UBE2E2: variants seen among roughly 807,000 people sequenced by gnomAD.
UBE2E2 encodes ubiquitin conjugating enzyme E2 E2, also known as ubiquitin-conjugating enzyme E2 E2.
In UBE2E2, 6 loss-of-function variants were observed where a neutral mutation model predicts 24.7. The observed-to-expected ratio is 0.24, with a 90% CI of 0.13 to 0.48. The LOEUF is 0.48. Among genes scored for constraint, UBE2E2 ranks in the 20% least tolerant of loss-of-function variants. The pLI is 0.99. For missense variants in UBE2E2, 169 were observed against 245.0 expected (o/e 0.69, Z 2.07); for synonymous variants, 104 against 83.6 (o/e 1.24, Z -1.33).
rs975568732 is a variant in UBE2E2 at position 23,546,598 on chromosome 3, C to A, written c.508+13897C>A. 2.0e-5 allele frequency among the ~76,000 whole-genome samples: 3 copies of A among 151,098 alleles called. No individual in the cohort carries two copies. In the South Asian group the frequency reaches 6.3e-4, roughly 32 times the overall value. ...AAACAATTCTCTTGCCTCAGCCTCC[C>A]GAGTAGCTGAAATTACAGGCATGCA... is the stretch of plus-strand genomic sequence containing the variant. On this transcript the variant is annotated intron_variant, in intron 5 of 5. Transcript: ENST00000396703.
chr3:23,419,128 A>T (rs1045924029), intron 3 of UBE2E2, among the ~76,000 whole-genome samples: 13 of 151,430 alleles, frequency 8.6e-5, no homozygotes, highest in Non-Finnish European at 1.8e-4. Context: ...TAATTTTTTT[A>T]TTTTTATGTT....
intron 3 of UBE2E2, among the ~76,000 whole-genome samples, chr3:23,302,482 T>C (rs1430567822): frequency 1.3e-5 from 2 of 152,214 alleles, no homozygotes; most frequent in Non-Finnish European, 2.9e-5. Context: ...TTCCATGCTT[T>C]TCAGGAATCT....
intron 5 of UBE2E2, among the ~76,000 whole-genome samples, chr3:23,543,918 AG>A (rs1261247069): frequency 6.6e-6 from 1 of 152,150 alleles, no homozygotes; most frequent in African/African-American, 2.4e-5. Context: ...AGCCAAATAC[AG>A]CCAACTGATC....
intron 4 of UBE2E2, among the ~76,000 whole-genome samples, chr3:23,522,737 T>A (rs920510508): frequency 6.6e-6 from 1 of 152,228 alleles, no homozygotes; most frequent in Non-Finnish European, 1.5e-5. Context: ...TGAATCTAAA[T>A]CAGCTCTTCT....
At chr3:23,504,605 T>G (rs1427770881) in intron 4 of UBE2E2, among the ~76,000 whole-genome samples, 1 of 152,198 alleles carries the variant, frequency 6.6e-6, no homozygotes, top group Non-Finnish European at 1.5e-5. Context: ...TTTTAGGATT[T>G]TAAGTCTTTT....
intron 3 of UBE2E2, among the ~76,000 whole-genome samples, chr3:23,362,784 A>G (rs1437144416): frequency 6.6e-6 from 1 of 152,166 alleles, no homozygotes; most frequent in Non-Finnish European, 1.5e-5. Context: ...ACCCTGTCAC[A>G]GGTAGCCAGG....
At chr3:23,567,672 A>G (rs1201158690) in intron 5 of UBE2E2, among the ~76,000 whole-genome samples, 1 of 152,206 alleles carries the variant, frequency 6.6e-6, no homozygotes, top group Non-Finnish European at 1.5e-5. Flanking sequence ...AATATCAGTT[A>G]GGCCCAAGAA....
intron 3 of UBE2E2, among the ~76,000 whole-genome samples, chr3:23,467,714 C>T (rs59180179): frequency 0.14 from 20,836 of 152,028 alleles, 1,496 homozygotes; most frequent in Middle Eastern, 0.2. Context: ...TATATTAGTA[C>T]GTTCTCACAC....
intron 3 of UBE2E2, among the ~76,000 whole-genome samples, chr3:23,244,575 C>T (rs1009321134): frequency 2.0e-5 from 3 of 152,082 alleles, no homozygotes; most frequent in South Asian, 4.1e-4. Flanking sequence ...AAGAGGAAAA[C>T]GTACAGAGAA....
intron 2 of UBE2E2, among the ~76,000 whole-genome samples, chr3:23,212,484 C>T (rs900332133): frequency 2.6e-5 from 4 of 152,168 alleles, no homozygotes; most frequent in Middle Eastern, 3.4e-3. Flanking sequence ...GCTGCTTTTA[C>T]GGGTTGATAC....
chr3:23,247,776 C>A (rs1697453104), intron 3 of UBE2E2, among the ~76,000 whole-genome samples: 1 of 152,172 alleles, frequency 6.6e-6, no homozygotes, highest in Non-Finnish European at 1.5e-5. Context: ...CACTCTACCC[C>A]AGAAATTGCT....
intron 3 of UBE2E2, among the ~76,000 whole-genome samples, chr3:23,330,368 A>T (rs1695027285): frequency 2.0e-5 from 3 of 152,234 alleles, no homozygotes; most frequent in African/African-American, 7.2e-5. Context: ...GTATGGAAGT[A>T]AACATTGAAA....
At chr3:23,243,655 C>T (rs980981976) in intron 3 of UBE2E2, among the ~76,000 whole-genome samples, 3 of 152,068 alleles carry the variant, frequency 2.0e-5, no homozygotes, top group Admixed American at 2.0e-4. Context: ...AAGTTTACAG[C>T]CTTTTTCTCA....
chr3:23,350,397 ATGAGT>A (rs1695706898), intron 3 of UBE2E2, among the ~76,000 whole-genome samples: 1 of 152,246 alleles, frequency 6.6e-6, no homozygotes. Flanking sequence ...AATGACTTTG[ATGAGT>A]TGAGAGAAGA....
intron 3 of UBE2E2, among the ~76,000 whole-genome samples, chr3:23,301,056 T>C (rs1683803284): frequency 6.6e-6 from 1 of 152,236 alleles, no homozygotes; most frequent in South Asian, 2.1e-4. Context: ...ACTGATACCC[T>C]TTCTTCCAAC....
intron 5 of UBE2E2, among the ~76,000 whole-genome samples, chr3:23,554,663 G>T (rs1559419879): frequency 6.6e-6 from 1 of 152,070 alleles, no homozygotes; most frequent in Non-Finnish European, 1.5e-5. Flanking sequence ...CATTAGCCTT[G>T]GCAATGATTT....
intron 3 of UBE2E2, among the ~76,000 whole-genome samples, chr3:23,302,938 A>T (rs191849497): frequency 2.8e-4 from 42 of 152,308 alleles, no homozygotes; most frequent in African/African-American, 8.7e-4. Context: ...AAACACATAA[A>T]CCAGGGGTCC....
chr3:23,376,072 A>G (rs1696514851), intron 3 of UBE2E2, among the ~76,000 whole-genome samples: 1 of 152,228 alleles, frequency 6.6e-6, no homozygotes, highest in Non-Finnish European at 1.5e-5. Flanking sequence ...AGTATTTTAA[A>G]GGAGTTGTTT....
At chr3:23,397,682 T>C (rs1697112296) in intron 3 of UBE2E2, among the ~76,000 whole-genome samples, 1 of 152,224 alleles carries the variant, frequency 6.6e-6, no homozygotes, top group African/African-American at 2.4e-5. Flanking sequence ...GTTTTTAAGA[T>C]TTATCCATGT....
Sources: gnomAD v4.1 joint callset for allele counts (sites outside exome capture counted in the v4.1 genomes callset) on GRCh38, gnomAD v4.1.1 for gene constraint, MANE v1.5 for transcripts, NCBI Gene and HGNC (gene_info 2026-07-23, HGNC 2026-07-21) for gene names.